The following ZNF521 variants were observed in gnomAD, a reference collection of about 807,000 sequenced individuals.
The protein encoded by ZNF521 is zinc finger protein 521, also known as LYST-interacting protein 3.
In ZNF521, 14 loss-of-function variants were observed where a neutral mutation model predicts 105.5. The observed-to-expected ratio is 0.13, with a 90% CI of 0.09 to 0.21. The LOEUF (loss-of-function observed/expected upper bound fraction) is 0.21. Among genes scored for constraint, ZNF521 ranks in the 10% least tolerant of loss-of-function variants. ZNF521 has a pLI of 1.00. For synonymous variants in ZNF521, 635 were observed against 606.0 expected (o/e 1.05, Z -0.70); for missense variants, 1,233 against 1,629.7 (o/e 0.76, Z 4.19).
intron 3 of ZNF521, among the ~76,000 whole-genome samples, chr18:25,261,467 G>T (rs995803375): frequency 6.6e-6 from 1 of 152,110 alleles, no homozygotes; most frequent in African/African-American, 2.4e-5. Flanking sequence ...TGTCTACTCG[G>T]TGAATGAGTC....
At chr18:25,326,191 G>A (rs1185338524) in intron 2 of ZNF521, among the ~76,000 whole-genome samples, 1 of 152,172 alleles carries the variant, frequency 6.6e-6, no homozygotes, top group Non-Finnish European at 1.5e-5. Flanking sequence ...GACTGGCAAA[G>A]ACTATCTGTA....
chr18:25,263,360 T>C (rs1438227833), intron 3 of ZNF521, among the ~76,000 whole-genome samples: 2 of 152,032 alleles, frequency 1.3e-5, no homozygotes, highest in Non-Finnish European at 2.9e-5. Flanking sequence ...AACTTGCTTT[T>C]TTTTTTGTTT....
At chr18:25,207,937 C>T (rs1225413907) in intron 4 of ZNF521, among the ~76,000 whole-genome samples, 2 of 152,138 alleles carry the variant, frequency 1.3e-5, no homozygotes, top group Non-Finnish European at 2.9e-5. Context: ...CAAGCTTCTG[C>T]TCCTTGAGAA....
At chr18:25,114,860 G>GA (rs2144316790) in intron 5 of ZNF521, among the ~76,000 whole-genome samples, 1 of 152,282 alleles carries the variant, frequency 6.6e-6, no homozygotes, top group East Asian at 1.9e-4. Flanking sequence ...ATGCCTCAAG[G>GA]ATGTCACAGA....
At chr18:25,138,411 G>C (rs527894345) in intron 5 of ZNF521, among the ~76,000 whole-genome samples, 16 of 151,438 alleles carry the variant, frequency 1.1e-4, no homozygotes, top group Admixed American at 3.3e-4. Flanking sequence ...CCATAGATGA[G>C]AGAGGTGGCA....
At chr18:25,063,848 T>A (rs889582807) in intron 7 of ZNF521, among the ~76,000 whole-genome samples, 1 of 152,186 alleles carries the variant, frequency 6.6e-6, no homozygotes, top group Non-Finnish European at 1.5e-5. Context: ...TATTACAACC[T>A]TGGGGCCCAG....
At chr18:25,065,736 C>T (rs1221323364) in intron 7 of ZNF521, among the ~76,000 whole-genome samples, 3 of 152,004 alleles carry the variant, frequency 2.0e-5, no homozygotes, top group Non-Finnish European at 4.4e-5. Flanking sequence ...TAAAAGAGTA[C>T]ACAGTGCAAT....
rs1372887749 is a variant in ZNF521, at chr18:25,227,932, T to C, written c.221-235A>G. Among the ~76,000 whole-genome samples, 1 of 152,270 alleles carries C rather than the reference T, an allele frequency of 6.6e-6. No individual in the cohort carries two copies. Among genetic ancestry groups the C allele is most frequent in the East Asian group, 1.9e-4 (1 of 5,206 alleles). On this transcript the variant is annotated intron_variant, in intron 3 of 7. Coordinates refer to ENST00000361524, the MANE Select transcript of ZNF521 (RefSeq NM_015461.3). This position sits in a 1 kb window ranked among gnomAD's most constrained non-coding sequence, Gnocchi z 5.7. The stretch of plus-strand genomic sequence containing the variant: ...TAAGAGGATATTAAATAGTTCTATG[T>C]CTAAATTACCCTTTTATTACTTTTT...
At chr18:25,330,914 C>A (rs1284497347) in intron 2 of ZNF521, among the ~76,000 whole-genome samples, 2 of 152,170 alleles carry the variant, frequency 1.3e-5, no homozygotes, top group Non-Finnish European at 2.9e-5. Flanking sequence ...GGTACACAAA[C>A]TCAAAATCAC....
At chr18:25,234,940 TAAC>T (rs1218423095) in intron 3 of ZNF521, among the ~76,000 whole-genome samples, 1 of 152,130 alleles carries the variant, frequency 6.6e-6, no homozygotes, top group Non-Finnish European at 1.5e-5. Flanking sequence ...ATTAATTTAT[TAAC>T]AATATTATTA....
chr18:25,327,151 T>G (rs1405773608), intron 2 of ZNF521, among the ~76,000 whole-genome samples: 1 of 151,718 alleles, frequency 6.6e-6, no homozygotes, highest in Middle Eastern at 3.2e-3. Flanking sequence ...AAATAGAGGG[T>G]TTTTGAGACT....
intron 5 of ZNF521, among the ~76,000 whole-genome samples, chr18:25,137,376 A>G (rs2034755860): frequency 6.6e-6 from 1 of 152,096 alleles, no homozygotes; most frequent in South Asian, 2.1e-4. Context: ...TAGAACTGGG[A>G]TATTTGGAAG....
intron 3 of ZNF521, among the ~76,000 whole-genome samples, chr18:25,283,847 C>G (rs1910526362): frequency 6.6e-6 from 1 of 151,626 alleles, no homozygotes; most frequent in African/African-American, 2.4e-5. Flanking sequence ...TAAACGGAAT[C>G]AGTTGAAGAA....
intron 5 of ZNF521, among the ~76,000 whole-genome samples, chr18:25,100,023 A>G (rs2033935533): frequency 6.6e-6 from 1 of 152,076 alleles, no homozygotes; most frequent in Non-Finnish European, 1.5e-5. Context: ...GGCACTCATC[A>G]GGCATGTTTT....
At chr18:25,163,960 CAGA>C (rs1173147322) in intron 5 of ZNF521, among the ~76,000 whole-genome samples, 1 of 152,058 alleles carries the variant, frequency 6.6e-6, no homozygotes, top group Admixed American at 6.6e-5. Flanking sequence ...AAGACAGGGG[CAGA>C]AGGAGAGGAC....
chr18:25,143,285 A>G (rs2034884297), intron 5 of ZNF521, among the ~76,000 whole-genome samples: 1 of 152,162 alleles, frequency 6.6e-6, no homozygotes, highest in Non-Finnish European at 1.5e-5. Context: ...GTGAATGCCT[A>G]AACAGAAATT....
intron 7 of ZNF521, among the ~76,000 whole-genome samples, chr18:25,068,007 A>G (rs1036434985): frequency 1.3e-5 from 2 of 152,220 alleles, no homozygotes; most frequent in African/African-American, 4.8e-5. Context: ...AGCTTTTAAA[A>G]CTAAGTAAAA....
rs1568094696 is a variant in ZNF521 at position 25,350,890 on chromosome 18, A to AG, written c.40+16dup. The stretch of plus-strand genomic sequence containing the variant: ...TCGCGGATGGGGGAAAGCGGGGAGC[A>AG]GGGGGTTCCTCCTTACCTTTGAGGG... On this transcript the variant is annotated intron_variant, in intron 2 of 7. Coordinates refer to ENST00000361524, the MANE Select transcript of ZNF521 (RefSeq NM_015461.3). The AG allele has an allele frequency of 5.8e-6, 9 of 1,548,102 alleles. No individual in the cohort carries two copies.
At chr18:25,239,217 A>G (rs1305502174) in intron 3 of ZNF521, among the ~76,000 whole-genome samples, 1 of 152,154 alleles carries the variant, frequency 6.6e-6, no homozygotes, top group Non-Finnish European at 1.5e-5. Flanking sequence ...TCAGTGAAAT[A>G]CTCAATTAGC....
Sources: gnomAD v4.1 joint callset for allele counts (sites outside exome capture counted in the v4.1 genomes callset) on GRCh38, gnomAD v4.1.1 for gene constraint, Gnocchi (gnomAD v3.1) non-coding constraint, MANE v1.5 for transcripts, NCBI Gene and HGNC (gene_info 2026-07-23, HGNC 2026-07-21) for gene names.